The following THBS4 variants were observed in gnomAD, a reference collection of about 807,000 sequenced individuals.
The protein encoded by THBS4 is thrombospondin-4.
In THBS4, 90 loss-of-function variants were observed where a neutral mutation model predicts 115.7. The ratio of observed to expected loss-of-function variants is 0.78; its 90% confidence interval spans 0.66 to 0.93. The LOEUF (loss-of-function observed/expected upper bound fraction) is 0.93. THBS4 is among the 40% of genes least tolerant of loss of function. THBS4 has a pLI of 0.00. For missense variants in THBS4, 1,087 were observed against 1,232.7 expected (o/e 0.88, Z 1.77); for synonymous variants, 460 against 479.3 (o/e 0.96, Z 0.53).
At chr5:79,991,352 A>T in exon 1 of THBS4, 73 of 884,606 alleles carry the variant, frequency 8.3e-5, no homozygotes, top group Middle Eastern at 3.8e-4. Flanking sequence ...CTCTTGAGAG[A>T]TGAGAGAAAC....
rs147083021 is a variant in THBS4 at position 80,053,479 on chromosome 5, C to T, written c.293-2306C>T. 7.3e-5 allele frequency among the ~76,000 whole-genome samples: 11 copies of T among 151,478 alleles called. No individual in the cohort carries two copies. The East Asian group carries it at 2.1e-3, about 29-fold the overall frequency. On this transcript the variant is annotated intron_variant, in intron 2 of 21. Coordinates refer to ENST00000350881, the MANE Select transcript of THBS4 (RefSeq NM_003248.6). ...TCTTTAATTTCCTCAGTTTTAGTTCCTAGAAGTGGCAATGCTGGGCTGTTG... is the reference window on the plus strand; with the variant it reads ...TCTTTAATTTCCTCAGTTTTAGTTCTTAGAAGTGGCAATGCTGGGCTGTTG...
intron 2 of THBS4, chr5:80,053,073 A>T (rs1306833873): frequency 6.6e-6 from 1 of 152,188 alleles, no homozygotes; most frequent in Non-Finnish European, 1.5e-5. Flanking sequence ...AAAAAATACC[A>T]TCCAAACACC....
chr5:80,078,658 A>T (rs145110806), intron 17 of THBS4, among the ~76,000 whole-genome samples: 1 of 152,364 alleles, frequency 6.6e-6, no homozygotes, highest in East Asian at 1.9e-4. Context: ...TATGCTCCCC[A>T]GTTAAGGGCC....
intron 13 of THBS4, 60 bp downstream of exon 13, chr5:80,071,240 T>C (rs1268099497): frequency 5.9e-6 from 9 of 1,525,470 alleles, no homozygotes; most frequent in Non-Finnish European, 7.0e-6. Context: ...TCCATTGTTC[T>C]CTGAGAGAGT....
At position 80,065,443 on chromosome 5, in the gene THBS4, C is replaced by T. The variant is rs767184752; in HGVS notation, c.1160C>T (p.Ala387Val). 87 of 1,613,486 alleles carry T rather than the reference C, an allele frequency of 5.4e-5. No homozygotes were observed. The highest frequency in any genetic ancestry group is 2.5e-4 in the Admixed American group (15 of 59,802). Residue 387 changes from alanine (A) to valine (V), a missense_variant, in exon 9 of 22, where the codon GCG (alanine) becomes GTG (valine). Physicochemically the swap from Ala to Val is moderately conservative, Grantham distance 64. Transcript: ENST00000350881. ...CTDIDECRNG[A>V]CVPNSICVNT... The stretch of plus-strand genomic sequence containing the variant: ...GACATTGATGAGTGTCGAAATGGAG[C>T]GTGCGTTCCCAACTCGATCTGCGTT...
intron 2 of THBS4, among the ~76,000 whole-genome samples, chr5:80,017,396 T>G (rs942882017): frequency 6.6e-6 from 1 of 152,196 alleles, no homozygotes; most frequent in Non-Finnish European, 1.5e-5. Context: ...TTTGCTCAAT[T>G]TCTTCCATCT....
chr5:80,027,308 C>T (rs550643503), intron 2 of THBS4, among the ~76,000 whole-genome samples: 2 of 152,296 alleles, frequency 1.3e-5, no homozygotes, highest in Admixed American at 6.5e-5. Flanking sequence ...TCCCCACCCT[C>T]TCCTTGTTTC....
chr5:80,054,360 A>C (rs1833355645), intron 2 of THBS4, among the ~76,000 whole-genome samples: 2 of 133,194 alleles, frequency 1.5e-5, no homozygotes, highest in Admixed American at 8.1e-5. Flanking sequence ...TTGCTCTGTC[A>C]CCCAGGCTGG....
chr5:80,053,406 C>CT lies in THBS4; in HGVS notation c.293-2365dup, dbSNP rs5869016. On this transcript the variant is annotated intron_variant, in intron 2 of 21. Transcript: ENST00000350881. Reference sequence around the variant, plus strand: ...TTCTCACCCATACATCTTGGTGCTGCTTTTTTTTTTTTTTCTATAACCCAG... The same window carrying CT: ...TTCTCACCCATACATCTTGGTGCTGCTTTTTTTTTTTTTTTCTATAACCCAG... Among the ~76,000 whole-genome samples, 147 of 144,640 alleles carry CT rather than the reference C, an allele frequency of 1.0e-3. 1 individual carries two copies. The highest frequency in any genetic ancestry group is 9.1e-3 in the East Asian group (45 of 4,962). The allele number at this position is 144,640 out of a possible 152,430, so 94.9% of individuals were successfully genotyped here.
At chr5:80,029,288 G>T (rs1832539890) in intron 2 of THBS4, among the ~76,000 whole-genome samples, 1 of 152,104 alleles carries the variant, frequency 6.6e-6, no homozygotes. Flanking sequence ...GATATTCCTG[G>T]CACGATAATC....
At chr5:80,080,324 C>T (rs1296737671) in intron 20 of THBS4, 1 of 466,470 alleles carries the variant, frequency 2.1e-6, no homozygotes, top group Admixed American at 3.3e-5. Context: ...AGGGGACGAC[C>T]CAGCGTTGTG....
At chr5:80,017,789 T>C (rs922750695) in intron 2 of THBS4, among the ~76,000 whole-genome samples, 1 of 152,234 alleles carries the variant, frequency 6.6e-6, no homozygotes, top group Non-Finnish European at 1.5e-5. Context: ...GGATCTATAC[T>C]CAGTTTTGTT....
intron 2 of THBS4, among the ~76,000 whole-genome samples, chr5:80,016,491 A>G (rs1832252363): frequency 6.6e-6 from 1 of 152,186 alleles, no homozygotes; most frequent in African/African-American, 2.4e-5. Flanking sequence ...GCACAAAATG[A>G]ATCCAGTGAG....
chr5:80,030,010 T>C (rs1832555373), intron 2 of THBS4, among the ~76,000 whole-genome samples: 1 of 151,990 alleles, frequency 6.6e-6, no homozygotes, highest in African/African-American at 2.4e-5. Context: ...TGCACACTAA[T>C]CAAAAGACTC....
chr5:80,079,097 AC>A lies in THBS4; in HGVS notation c.2352del (p.Phe785SerfsTer3), dbSNP rs1205315968. ...TTTTAATGGAGTTGACTTCGAAGGG[AC>A]CTTCCATGTGAATACCCAGACAGAT... ...TAFNGVDFEG[T>X]FHVNTQTDDD... On this transcript the variant is annotated frameshift_variant, in exon 19 of 22. Transcript: ENST00000350881. LOFTEE classifies it high-confidence loss of function. 1 of 1,613,680 alleles carries A rather than the reference AC, an allele frequency of 6.2e-7. No homozygotes were observed. The highest frequency in any genetic ancestry group is 1.7e-5 in the Admixed American group (1 of 59,990).
Position 80,059,488 on chromosome 5 carries a change from T to G in THBS4, c.781T>G (p.Cys261Gly). 1 of 1,614,108 alleles carries G rather than the reference T, an allele frequency of 6.2e-7. No homozygotes were observed. The highest frequency in any genetic ancestry group is 8.5e-7 in the Non-Finnish European group (1 of 1,180,022). ...LRNTIAECQA[C>G]GPLKFQSPTP... ...AAACACCATAGCTGAATGCCAGGCT[T>G]GCGGTAAGTGCTTTTCTAGTAATGG... The change falls in exon 6 of 22, where the codon TGC (cysteine) becomes GGC (glycine). Residue 261 changes from cysteine (C) to glycine (G), a missense_variant. By Grantham distance (159) the Cys-to-Gly change is radical (BLOSUM62 -3). Around this residue, in one of 3 missense-constraint regions of THBS4, gnomAD observed 979 missense variants for 1,103.7 expected, o/e 0.89. Transcript: ENST00000350881.
Position 80,039,989 on chromosome 5 carries a change from T to C in THBS4, c.89-88T>C, listed in dbSNP as rs570992524. The C allele has an allele frequency of 2.5e-6, 3 of 1,190,810 alleles. No homozygotes were observed. The South Asian group carries it at 3.7e-5, about 15-fold the overall frequency. The allele number at this position is 1,190,810 out of a possible 1,614,324, so 73.8% of individuals were successfully genotyped here. On this transcript the variant is annotated intron_variant, in intron 1 of 21. Transcript: ENST00000350881. ...GTTTACATTACTTTGTAGCTTACTGTCAAATTGCACCCCCCCCAAACAAAG... is the reference window on the plus strand; with the variant it reads ...GTTTACATTACTTTGTAGCTTACTGCCAAATTGCACCCCCCCCAAACAAAG...
chr5:80,037,169 A>T (rs896445648), intron 1 of THBS4, among the ~76,000 whole-genome samples: 3 of 152,214 alleles, frequency 2.0e-5, no homozygotes, highest in Non-Finnish European at 4.4e-5. Flanking sequence ...ACTTTTGAAC[A>T]TACAGCTTTA....
intron 1 of THBS4, among the ~76,000 whole-genome samples, chr5:80,036,659 T>G (rs1049255427): frequency 3.3e-5 from 5 of 152,194 alleles, no homozygotes; most frequent in African/African-American, 1.2e-4. Flanking sequence ...TAAACAGAAT[T>G]TTTTGTAAAG....
Sources: gnomAD v4.1 joint callset for allele counts (sites outside exome capture counted in the v4.1 genomes callset) on GRCh38, gnomAD v4.1.1 for gene constraint, gnomAD v4.1.1 regional missense constraint, MANE v1.5 for transcripts, NCBI Gene and HGNC (gene_info 2026-07-23, HGNC 2026-07-21) for gene names.